TRAPPC9: variants seen among roughly 807,000 people sequenced by gnomAD.
TRAPPC9 encodes the protein trafficking protein particle complex subunit 9.
TRAPPC9 carries 83 observed loss-of-function variants against 124.0 expected under a neutral mutation model. That is an observed-to-expected ratio of 0.67 (90% CI 0.56 to 0.80). The LOEUF is 0.80. TRAPPC9 is among the 30% of genes least tolerant of loss of function. The pLI is 0.00. For synonymous variants in TRAPPC9, 638 were observed against 617.5 expected, an observed-to-expected ratio of 1.03 and a Z score of -0.49; for missense variants, 1,302 against 1,508.3, an observed-to-expected ratio of 0.86 and a Z score of 2.27.
At chr8:140,421,198 G>A (rs2132519546) in intron 5 of TRAPPC9, among the ~76,000 whole-genome samples, 1 of 152,294 alleles carries the variant, frequency 6.6e-6, no homozygotes, top group East Asian at 1.9e-4. Flanking sequence ...TTAGAATATT[G>A]TTGAAAAGCT....
chr8:140,386,972 T>C (rs2068771497), intron 7 of TRAPPC9, among the ~76,000 whole-genome samples: 1 of 152,118 alleles, frequency 6.6e-6, no homozygotes, highest in Admixed American at 6.5e-5. Context: ...AACAGAGATA[T>C]AGACCAATGG....
intron 21 of TRAPPC9, among the ~76,000 whole-genome samples, chr8:139,737,872 G>T (rs1469035543): frequency 6.6e-6 from 1 of 152,208 alleles, no homozygotes; most frequent in African/African-American, 2.4e-5. Context: ...CTGAGGAGGG[G>T]AGGATCTGCA....
Position 140,370,808 on chromosome 8 carries a change from G to A in TRAPPC9, c.1351+156C>T, listed in dbSNP as rs117371348. Among the ~76,000 whole-genome samples the A allele has an allele frequency of 4.0e-3, 615 of 152,280 alleles. 8 individuals are homozygous for A. Among genetic ancestry groups the A allele is most frequent in the South Asian group, 4.1e-3 (20 of 4,826 alleles). Reference sequence around the variant, plus strand: ...AGCACCAGTACTTTTTCCTATAATCGGATTACAGCAGGCACCCAACTCCAG... The same window carrying A: ...AGCACCAGTACTTTTTCCTATAATCAGATTACAGCAGGCACCCAACTCCAG... On this transcript the variant is annotated intron_variant, in intron 8 of 22. Transcript: ENST00000438773.
chr8:139,974,325 G>A (rs1836298619), intron 19 of TRAPPC9, among the ~76,000 whole-genome samples: 1 of 152,204 alleles, frequency 6.6e-6, no homozygotes, highest in Non-Finnish European at 1.5e-5. Flanking sequence ...CTCCCAGGAA[G>A]GGCAGGAATT....
At chr8:140,413,845 AT>A in intron 5 of TRAPPC9, among the ~76,000 whole-genome samples, 1 of 151,710 alleles carries the variant, frequency 6.6e-6, no homozygotes, top group Admixed American at 6.6e-5. Flanking sequence ...TGAACTCATC[AT>A]TTTTTATGGC....
At chr8:140,400,010 C>A (rs2069214148) in intron 6 of TRAPPC9, among the ~76,000 whole-genome samples, 1 of 152,218 alleles carries the variant, frequency 6.6e-6, no homozygotes, top group Non-Finnish European at 1.5e-5. Flanking sequence ...TTATCAGGAG[C>A]TTCCGCTTTG....
chr8:140,210,245 G>A (rs555183751), intron 17 of TRAPPC9, among the ~76,000 whole-genome samples: 69 of 152,314 alleles, frequency 4.5e-4, no homozygotes, highest in African/African-American at 1.6e-3. Context: ...GGTGATTCAG[G>A]GCAAGGCACC....
At chr8:140,377,072 C>A (rs1449065477) in intron 7 of TRAPPC9, among the ~76,000 whole-genome samples, 1 of 152,068 alleles carries the variant, frequency 6.6e-6, no homozygotes, top group Non-Finnish European at 1.5e-5. Context: ...AAGAGATGGC[C>A]AAGCAAAGTC....
intron 17 of TRAPPC9, among the ~76,000 whole-genome samples, chr8:140,025,625 ACATAGGG>A (rs1840097568): frequency 6.6e-6 from 1 of 152,076 alleles, no homozygotes; most frequent in Non-Finnish European, 1.5e-5. Context: ...CTCAACTGTT[ACATAGGG>A]ACAATAATTA....
chr8:140,364,592 T>A (rs1270412032), intron 8 of TRAPPC9, among the ~76,000 whole-genome samples: 1 of 152,144 alleles, frequency 6.6e-6, no homozygotes, highest in African/African-American at 2.4e-5. Context: ...TCTTAGCATT[T>A]TTTTTTTCGA....
At chr8:140,041,353 C>T (rs146654331) in intron 17 of TRAPPC9, among the ~76,000 whole-genome samples, 4 of 152,328 alleles carry the variant, frequency 2.6e-5, no homozygotes, top group South Asian at 2.1e-4. Flanking sequence ...GTTCAAACAG[C>T]GTACACCTGC....
chr8:140,065,614 T>A (rs912813679), intron 17 of TRAPPC9, among the ~76,000 whole-genome samples: 1 of 152,258 alleles, frequency 6.6e-6, no homozygotes, highest in African/African-American at 2.4e-5. Flanking sequence ...ATGCTAAATC[T>A]ACTCAGCCTG....
chr8:140,253,464 G>T (rs549307634), intron 15 of TRAPPC9, among the ~76,000 whole-genome samples: 1 of 152,212 alleles, frequency 6.6e-6, no homozygotes, highest in African/African-American at 2.4e-5. Flanking sequence ...AATCACTTGA[G>T]ATCAGGAGTT....
chr8:140,306,705 C>A (rs2066147550), intron 10 of TRAPPC9, among the ~76,000 whole-genome samples: 1 of 152,226 alleles, frequency 6.6e-6, no homozygotes, highest in South Asian at 2.1e-4. Context: ...AAGCATATAA[C>A]CAGCCCTCTG....
intron 15 of TRAPPC9, among the ~76,000 whole-genome samples, chr8:140,264,783 A>T (rs1304450682): frequency 6.6e-6 from 1 of 152,140 alleles, no homozygotes; most frequent in Non-Finnish European, 1.5e-5. Context: ...AAGGAAGCCA[A>T]ACCATCAGTC....
At chr8:140,423,713 TACATATATAC>T (rs2070321770) in intron 5 of TRAPPC9, among the ~76,000 whole-genome samples, 3 of 70,790 alleles carry the variant, frequency 4.2e-5, no homozygotes, top group Non-Finnish European at 8.8e-5. Context: ...TACACATATA[TACATATATAC>T]ACATATATAC....
At chr8:139,841,368 G>A (rs1826719427) in intron 21 of TRAPPC9, among the ~76,000 whole-genome samples, 1 of 152,232 alleles carries the variant, frequency 6.6e-6, no homozygotes. Flanking sequence ...CATCTTGGGG[G>A]CTCTTGCTTG....
At chr8:140,276,564 T>C (rs931126438) in intron 14 of TRAPPC9, among the ~76,000 whole-genome samples, 1 of 152,172 alleles carries the variant, frequency 6.6e-6, no homozygotes, top group African/African-American at 2.4e-5. Flanking sequence ...CTGACTTCTA[T>C]TGACTTTAAC....
At chr8:140,253,166 G>A (rs1040916764) in intron 15 of TRAPPC9, among the ~76,000 whole-genome samples, 10 of 152,100 alleles carry the variant, frequency 6.6e-5, no homozygotes, top group East Asian at 3.9e-4. Flanking sequence ...TAGAGGCACC[G>A]AGCTCAAGCC....
Sources: allele counts gnomAD v4.1 joint callset (sites outside exome capture counted in the v4.1 genomes callset), GRCh38; gene constraint gnomAD v4.1.1; transcripts MANE v1.5; gene names NCBI Gene and HGNC (gene_info 2026-07-23, HGNC 2026-07-21).